Variants in CSNK2A1 observed in about 807,000 individuals in gnomAD.
CSNK2A1 encodes the protein casein kinase 2 alpha 1, also known as casein kinase II subunit alpha.
In CSNK2A1, 10 loss-of-function variants were observed where a neutral mutation model predicts 62.9. The observed-to-expected ratio is 0.16, with a 90% confidence interval of 0.10 to 0.27. CSNK2A1 has a LOEUF of 0.27. CSNK2A1 is among the 10% of genes least tolerant of loss of function. CSNK2A1 has a pLI of 1.00. For missense variants in CSNK2A1, 160 were observed against 492.0 expected, an observed-to-expected ratio of 0.33 and a Z score of 6.38; for synonymous variants, 124 against 167.8, an observed-to-expected ratio of 0.74 and a Z score of 2.02.
intron 2 of CSNK2A1, among the ~76,000 whole-genome samples, chr20:520,776 A>T (rs1158769223): frequency 6.6e-6 from 1 of 152,214 alleles, no homozygotes; most frequent in Non-Finnish European, 1.5e-5. Context: ...CTGGGATTAC[A>T]GGCATAATAA....
intron 9 of CSNK2A1, among the ~76,000 whole-genome samples, chr20:490,149 A>C (rs1204254163): frequency 2.0e-5 from 3 of 149,086 alleles, no homozygotes; most frequent in African/African-American, 7.5e-5. Context: ...CTCCTGCCTC[A>C]GCCTCCTGAC....
chr20:522,052 C>T (rs912909521), intron 2 of CSNK2A1, among the ~76,000 whole-genome samples: 1 of 152,218 alleles, frequency 6.6e-6, no homozygotes, highest in Admixed American at 6.5e-5. Flanking sequence ...GGGAGTCACT[C>T]GCATTACTGC....
At chr20:521,749 T>C (rs952079109) in intron 2 of CSNK2A1, among the ~76,000 whole-genome samples, 1 of 152,184 alleles carries the variant, frequency 6.6e-6, no homozygotes, top group Non-Finnish European at 1.5e-5. Context: ...ACAAAATGGA[T>C]GAATCGTTTT....
At position 480,433 on chromosome 20, in the gene CSNK2A1, A is replaced by C. The variant is rs2017934971; in HGVS notation, c.*3528T>G. 1 of 152,142 alleles carries C rather than the reference A, an allele frequency of 6.6e-6. No homozygotes were observed. The allele number at this position is 152,142 out of a possible 1,614,324, so 9.4% of individuals were successfully genotyped here. A position where few individuals can be genotyped will look rare whatever the true frequency, so the allele number is the denominator to read the frequency against. ...GAAAACGAACCCACTTAAAAAAAAA[A>C]ACAAAAGGTTTTAATGAGGATTGCA... is the stretch of plus-strand genomic sequence containing the variant. On this transcript the variant is annotated 3_prime_UTR_variant, in exon 14 of 14. Coordinates refer to ENST00000217244, the MANE Select transcript of CSNK2A1 (RefSeq NM_177559.3).
chr20:497,260 G>T (rs2018363695), intron 7 of CSNK2A1, among the ~76,000 whole-genome samples: 1 of 152,092 alleles, frequency 6.6e-6, no homozygotes. Flanking sequence ...AGATCCTCCT[G>T]TCACAGCCTC....
rs114953608 is a variant in CSNK2A1, at chr20:509,419, C to T, written c.-109-759G>A. The stretch of plus-strand genomic sequence containing the variant: ...TAGAAATATGCTATCAAATCAGGTT[C>T]CTTTCCAATGATGTCTTCCCTATCT... On this transcript the variant is annotated intron_variant, in intron 2 of 13. Transcript: ENST00000217244. 4.1e-3 allele frequency among the ~76,000 whole-genome samples: 631 copies of T among 152,320 alleles called. 9 individuals are homozygous for T. The highest frequency in any genetic ancestry group is 0.013 in the African/African-American group (545 of 41,570).
At chr20:496,932 G>A (rs963280884) in intron 7 of CSNK2A1, among the ~76,000 whole-genome samples, 1 of 152,164 alleles carries the variant, frequency 6.6e-6, no homozygotes. Flanking sequence ...TGACTCTTAA[G>A]TGAGATAAAG....
chr20:482,143 C>T lies in CSNK2A1; in HGVS notation c.*1818G>A, dbSNP rs2017967002. ...TAGATAAGTTCATTAAATTCAACTC[C>T]CCAAACAATTACGTTTATCTATGAT... is the stretch of plus-strand genomic sequence containing the variant. On this transcript the variant is annotated 3_prime_UTR_variant, in exon 14 of 14. Transcript: ENST00000217244. 1.3e-5 allele frequency: 2 copies of T among 152,080 alleles called. No homozygotes were observed. The highest frequency in any genetic ancestry group is 2.9e-5 in the Non-Finnish European group (2 of 68,030). 9.4% of individuals were successfully genotyped at this position (152,080 alleles called of 1,614,324 possible).
chr20:524,623 AG>A (rs1276833933), intron 2 of CSNK2A1, among the ~76,000 whole-genome samples: 1 of 130,722 alleles, frequency 7.6e-6, no homozygotes, highest in Non-Finnish European at 1.6e-5. Context: ...CCAGCTACTC[AG>A]GAGGCTGAGG....
intron 2 of CSNK2A1, among the ~76,000 whole-genome samples, chr20:509,722 C>T (rs1600393158): frequency 2.0e-5 from 3 of 152,002 alleles, no homozygotes; most frequent in East Asian, 1.9e-4. Flanking sequence ...ACTACAGGCA[C>T]GCACCACCAC....
intron 9 of CSNK2A1, among the ~76,000 whole-genome samples, chr20:491,801 G>A (rs1221711879): frequency 6.6e-6 from 1 of 152,202 alleles, no homozygotes; most frequent in Non-Finnish European, 1.5e-5. Context: ...GTGGGTGCCT[G>A]TAGTCCCAGC....
intron 11 of CSNK2A1, 67 bp from the exon 12 acceptor site, chr20:487,642 A>C: frequency 1.2e-6 from 2 of 1,606,578 alleles, no homozygotes; most frequent in South Asian, 2.2e-5. Context: ...TTTCATTCCT[A>C]CATTTTTCTT....
intron 13 of CSNK2A1, among the ~76,000 whole-genome samples, chr20:484,698 G>T (rs906362145): frequency 1.9e-4 from 27 of 144,942 alleles, no homozygotes; most frequent in Middle Eastern, 7.1e-3. Context: ...ATGTTTTTGT[G>T]TGTGTGTGTG....
chr20:506,123 G>T (rs12480598), intron 3 of CSNK2A1: 1 of 151,964 alleles, frequency 6.6e-6, no homozygotes, highest in Non-Finnish European at 1.5e-5. Flanking sequence ...TGATCCGCCC[G>T]CCTTGGCCTC....
Position 526,658 on chromosome 20 carries a change from GA to G in CSNK2A1, c.-110+1274del, listed in dbSNP as rs543870896. On this transcript the variant is annotated intron_variant, in intron 2 of 13. Transcript: ENST00000217244. ...AAAAATGTAAGTGTGCTTGATTTAA[GA>G]AAAAAAAAAAGAAGGGCCAGGTGTG... 7.9e-3 allele frequency: 1,089 copies of G among 137,092 alleles called. 7 individuals are homozygous for G. The highest frequency in any genetic ancestry group is 0.018 in the Middle Eastern group (5 of 272). The allele number at this position is 137,092 out of a possible 1,614,324, so 8.5% of individuals were successfully genotyped here. A position where few individuals can be genotyped will look rare whatever the true frequency, so the allele number is the denominator to read the frequency against.
chr20:522,864 C>T (rs953153383), intron 2 of CSNK2A1, among the ~76,000 whole-genome samples: 2 of 152,198 alleles, frequency 1.3e-5, no homozygotes, highest in Non-Finnish European at 2.9e-5. Flanking sequence ...TGCCACCATG[C>T]CCACCTAACT....
chr20:535,650 G>T (rs2019303168), intron 1 of CSNK2A1, among the ~76,000 whole-genome samples: 1 of 151,572 alleles, frequency 6.6e-6, no homozygotes, highest in African/African-American at 2.4e-5. Context: ...CAGTTACTTA[G>T]GAGGCTGAGA....
At chr20:492,402 C>T (rs1201681100) in intron 8 of CSNK2A1, 38 bp from the exon 9 acceptor site, 2 of 1,599,946 alleles carry the variant, frequency 1.3e-6, no homozygotes, top group South Asian at 1.1e-5. Flanking sequence ...TTATCTTTCT[C>T]TAAGCTACCC....
chr20:485,108 AAATAT>A (rs2018061307), intron 13 of CSNK2A1, among the ~76,000 whole-genome samples: 1 of 43,552 alleles, frequency 2.3e-5, no homozygotes, highest in Non-Finnish European at 4.2e-5. Context: ...AAAAAAAAAA[AAATAT>A]ATATATATAT....
Sources: allele counts gnomAD v4.1 joint callset (sites outside exome capture counted in the v4.1 genomes callset), GRCh38; gene constraint gnomAD v4.1.1; transcripts MANE v1.5; gene names NCBI Gene and HGNC (gene_info 2026-07-23, HGNC 2026-07-21).